The following CDH13 variants were observed in gnomAD, a reference collection of about 807,000 sequenced individuals.
CDH13 encodes the protein cadherin 13.
Under a neutral mutation model 63.8 loss-of-function variants are expected in CDH13, and 24 were observed. The ratio of observed to expected loss-of-function variants is 0.38; its 90% confidence interval spans 0.27 to 0.53. CDH13 has a LOEUF of 0.53. Ranked by LOEUF, CDH13 falls within the 20% of genes least tolerant of loss-of-function variation. CDH13 has a pLI of 0.85. For synonymous variants in CDH13, 503 were observed against 355.3 expected (o/e 1.42, Z -4.67); for missense variants, 1,049 against 903.1 (o/e 1.16, Z -2.07).
At chr16:83,644,052 C>G (rs1156332454) in intron 8 of CDH13, among the ~76,000 whole-genome samples, 2 of 152,214 alleles carry the variant, frequency 1.3e-5, no homozygotes, top group Non-Finnish European at 2.9e-5. Context: ...TCAGATCAGC[C>G]CCCGCCAGCT....
intron 2 of CDH13, among the ~76,000 whole-genome samples, chr16:82,958,935 G>A (rs571886945): frequency 6.6e-6 from 1 of 152,232 alleles, no homozygotes; most frequent in African/African-American, 2.4e-5. Context: ...TACCCCCAAG[G>A]TTTTCCTGGT....
At chr16:83,008,877 G>C (rs965185943) in intron 2 of CDH13, among the ~76,000 whole-genome samples, 1 of 152,200 alleles carries the variant, frequency 6.6e-6, no homozygotes, top group African/African-American at 2.4e-5. Flanking sequence ...GTTCAGCATG[G>C]CTGGGGAGGT....
chr16:83,581,110 G>T lies in CDH13; in HGVS notation c.961-21344G>T, dbSNP rs550362615. Among the ~76,000 whole-genome samples the T allele has an allele frequency of 6.0e-4, 92 of 152,308 alleles. 1 individual carries two copies. The highest frequency in any genetic ancestry group is 2.1e-3 in the African/African-American group (89 of 41,572). On this transcript the variant is annotated intron_variant, in intron 7 of 13. Coordinates refer to ENST00000567109, the MANE Select transcript of CDH13 (RefSeq NM_001257.5). ...TGAAAGTTGGGCAGATTGTATTTCA[G>T]CTGGCATGGAAGGAGAAGATCTTTT...
intron 10 of CDH13, among the ~76,000 whole-genome samples, chr16:83,745,204 G>T (rs559840126): frequency 5.0e-4 from 76 of 152,242 alleles, no homozygotes; most frequent in African/African-American, 1.7e-3. Flanking sequence ...TGCACCCCGA[G>T]GCTGTTTTAG....
rs369133297 is a variant in CDH13 at position 82,714,077 on chromosome 16, G to A, written c.45+86940G>A. 4.6e-4 allele frequency among the ~76,000 whole-genome samples: 70 copies of A among 152,234 alleles called. No homozygotes were observed. In the South Asian group the frequency reaches 0.013, roughly 29 times the overall value. On this transcript the variant is annotated intron_variant, in intron 1 of 13. Transcript: ENST00000567109. Reference sequence around the variant, plus strand: ...GCCTTCCAAAGTGCTGGAATTACAGGTGTGAGCCACTGTACCTGAACAAGT... The same window carrying A: ...GCCTTCCAAAGTGCTGGAATTACAGATGTGAGCCACTGTACCTGAACAAGT...
chr16:83,746,274 G>A (rs1313495152), intron 10 of CDH13, among the ~76,000 whole-genome samples: 1 of 152,100 alleles, frequency 6.6e-6, no homozygotes, highest in African/African-American at 2.4e-5. Flanking sequence ...CACTTCTGGT[G>A]GCTGCAGCAT....
At chr16:83,280,696 C>CT (rs56174306) in intron 5 of CDH13, among the ~76,000 whole-genome samples, 151,633 of 152,370 alleles carry the variant, frequency 1, 75,457 homozygotes, top group Non-Finnish European at 1. Flanking sequence ...AAATGTATTT[C>CT]GTATCTCATA....
intron 2 of CDH13, among the ~76,000 whole-genome samples, chr16:83,019,616 A>G (rs1181758773): frequency 2.7e-5 from 4 of 150,480 alleles, no homozygotes; most frequent in Non-Finnish European, 4.4e-5. Context: ...CTGCCCAAGC[A>G]TCCCGGTTAG....
chr16:82,848,345 C>G (rs1335108706), intron 1 of CDH13, among the ~76,000 whole-genome samples: 1 of 152,114 alleles, frequency 6.6e-6, no homozygotes, highest in African/African-American at 2.4e-5. Context: ...CTTGACTTTG[C>G]TTTAGTTGGG....
Position 83,114,331 on chromosome 16 carries a change from T to A in CDH13, c.367-11054T>A, listed in dbSNP as rs138267798. 1.8e-4 allele frequency among the ~76,000 whole-genome samples: 28 copies of A among 152,330 alleles called. 1 individual carries two copies. The East Asian group carries it at 5.4e-3, about 29-fold the overall frequency. The stretch of plus-strand genomic sequence containing the variant: ...GTCCCTACTGAAAAGGATGCATGCA[T>A]GAAGACTCAAGGCAACAGTGACTTG... On this transcript the variant is annotated intron_variant, in intron 3 of 13. Coordinates refer to ENST00000567109, the MANE Select transcript of CDH13 (RefSeq NM_001257.5).
chr16:83,416,094 A>G (rs953756044), intron 6 of CDH13, among the ~76,000 whole-genome samples: 1 of 152,238 alleles, frequency 6.6e-6, no homozygotes, highest in African/African-American at 2.4e-5. Context: ...TTATGTTTCT[A>G]TACACTAACA....
rs1019858851 is a variant in CDH13, at chr16:83,540,359, C to T, written c.960+53704C>T. On this transcript the variant is annotated intron_variant, in intron 7 of 13. Coordinates refer to ENST00000567109, the MANE Select transcript of CDH13 (RefSeq NM_001257.5). ...GTGCTGAAGACAGTCACCCCCGATGCGCAGTGTTTCTTGTGATTAGGTACA... is the reference window on the plus strand; with the variant it reads ...GTGCTGAAGACAGTCACCCCCGATGTGCAGTGTTTCTTGTGATTAGGTACA... Among the ~76,000 whole-genome samples the T allele has an allele frequency of 7.2e-5, 11 of 152,294 alleles. No individual in the cohort carries two copies. The South Asian group carries it at 1.0e-3, about 14-fold the overall frequency.
rs79131104 is a variant in CDH13 at position 82,709,372 on chromosome 16, C to G, written c.45+82235C>G. ...GAAATTCTTTAAAATAGACCCAATT[C>G]TATGTCTTATTTAAAGCAACAGATA... is the stretch of plus-strand genomic sequence containing the variant. On this transcript the variant is annotated intron_variant, in intron 1 of 13. Transcript: ENST00000567109. Among the ~76,000 whole-genome samples, 628 of 152,294 alleles carry G rather than the reference C, an allele frequency of 4.1e-3. 3 individuals are homozygous for G. The highest frequency in any genetic ancestry group is 7.0e-3 in the Non-Finnish European group (475 of 68,024).
intron 2 of CDH13, among the ~76,000 whole-genome samples, chr16:82,871,083 TG>T (rs1219501008): frequency 3.5e-4 from 54 of 152,372 alleles, no homozygotes; most frequent in African/African-American, 1.3e-3. Flanking sequence ...GATGCTGTCT[TG>T]TTTCTGTCAT....
At chr16:83,758,190 C>A (rs929371221) in intron 11 of CDH13, among the ~76,000 whole-genome samples, 2 of 152,070 alleles carry the variant, frequency 1.3e-5, no homozygotes, top group South Asian at 2.1e-4. Context: ...TTATACAAAC[C>A]CTTCCAGAAA....
chr16:83,044,373 G>T (rs2151492765), intron 3 of CDH13, among the ~76,000 whole-genome samples: 1 of 152,278 alleles, frequency 6.6e-6, no homozygotes, highest in African/African-American at 2.4e-5. Context: ...TTAAAAAGTT[G>T]TTAGTAATAA....
At chr16:82,692,607 A>G (rs1915751572) in intron 1 of CDH13, among the ~76,000 whole-genome samples, 1 of 152,186 alleles carries the variant, frequency 6.6e-6, no homozygotes, top group Non-Finnish European at 1.5e-5. Flanking sequence ...ACAATTCAAG[A>G]TGAGATTTGA....
chr16:83,365,848 G>C (rs575959398), intron 6 of CDH13, among the ~76,000 whole-genome samples: 51 of 152,260 alleles, frequency 3.3e-4, no homozygotes, highest in African/African-American at 1.1e-3. Context: ...GGAAGTGTGA[G>C]AAATAAATCC....
At chr16:83,077,660 T>C (rs1168471506) in intron 3 of CDH13, among the ~76,000 whole-genome samples, 1 of 152,218 alleles carries the variant, frequency 6.6e-6, no homozygotes, top group Non-Finnish European at 1.5e-5. Context: ...ATGAATAAAA[T>C]TGCTATAAAA....
Sources: allele counts gnomAD v4.1 joint callset (sites outside exome capture counted in the v4.1 genomes callset), GRCh38; gene constraint gnomAD v4.1.1; transcripts MANE v1.5; gene names NCBI Gene and HGNC (gene_info 2026-07-23, HGNC 2026-07-21).